The following DENND1A variants were observed in gnomAD, a reference collection of about 807,000 sequenced individuals.
DENND1A encodes DENN domain containing 1A.
DENND1A carries 51 observed loss-of-function variants against 113.7 expected under a neutral mutation model. That is an observed-to-expected ratio of 0.45 (90% CI 0.36 to 0.57). DENND1A has a LOEUF of 0.57. DENND1A is among the 20% of genes least tolerant of loss of function. The pLI is 0.00. For missense variants in DENND1A, 1,258 were observed against 1,395.9 expected (o/e 0.90, Z 1.57); for synonymous variants, 565 against 570.8 (o/e 0.99, Z 0.14).
intron 2 of DENND1A, among the ~76,000 whole-genome samples, chr9:123,804,728 C>T (rs1344547265): frequency 6.6e-6 from 1 of 152,212 alleles, no homozygotes; most frequent in Non-Finnish European, 1.5e-5. Flanking sequence ...CTCCTGCCAA[C>T]TAAATCTTCA....
At chr9:123,413,070 C>T (rs1236909950) in intron 19 of DENND1A, among the ~76,000 whole-genome samples, 1 of 152,140 alleles carries the variant, frequency 6.6e-6, no homozygotes. Context: ...TGTAATCCCA[C>T]GTACTCGGGA....
chr9:123,699,222 G>A (rs773679408), intron 5 of DENND1A, among the ~76,000 whole-genome samples: 1 of 152,078 alleles, frequency 6.6e-6, no homozygotes, highest in African/African-American at 2.4e-5. Flanking sequence ...TCCAACAGTT[G>A]AGAATCATTA....
At position 123,440,498 on chromosome 9, in the gene DENND1A, G is replaced by A; in HGVS notation, c.1357-7C>T. ...AGCCATTCTCGGCAATGTCCTGTAG[G>A]GAGAAGGATAGTCAGCGGTTGGCAC... is the stretch of plus-strand genomic sequence containing the variant. On this transcript the variant is annotated splice_polypyrimidine_tract_variant and splice_region_variant and intron_variant, in intron 18 of 23. Coordinates refer to ENST00000394215, the MANE Select transcript of DENND1A (RefSeq NM_001352964.2). 1.3e-6 allele frequency: 2 copies of A among 1,549,634 alleles called. No individual in the cohort carries two copies. The highest frequency in any genetic ancestry group is 1.7e-6 in the Non-Finnish European group (2 of 1,158,666).
intron 3 of DENND1A, among the ~76,000 whole-genome samples, chr9:123,785,290 T>C (rs903305485): frequency 6.6e-6 from 1 of 152,120 alleles, no homozygotes; most frequent in Non-Finnish European, 1.5e-5. Flanking sequence ...TGTTTGAGGA[T>C]ACAGTGAGCT....
intron 19 of DENND1A, among the ~76,000 whole-genome samples, chr9:123,435,845 C>T (rs1330743474): frequency 1.1e-4 from 16 of 152,212 alleles, no homozygotes; most frequent in Admixed American, 6.5e-5. Flanking sequence ...ATTCCAGCAA[C>T]GCCGTTCCAG....
intron 3 of DENND1A, among the ~76,000 whole-genome samples, chr9:123,771,521 T>C (rs1392401673): frequency 1.3e-5 from 2 of 152,222 alleles, no homozygotes; most frequent in Non-Finnish European, 2.9e-5. Context: ...AGCTATCTTT[T>C]ACCCCTCAAA....
At position 123,620,774 on chromosome 9, in the gene DENND1A, TCCCCTCCCA is replaced by T. The variant is rs141091808; in HGVS notation, c.719+9593_719+9601del. Among the ~76,000 whole-genome samples, 1,231 of 152,106 alleles carry T rather than the reference TCCCCTCCCA, an allele frequency of 8.1e-3. 13 individuals carry two copies. The highest frequency in any genetic ancestry group is 0.014 in the Non-Finnish European group (974 of 67,992). ...TCTGAAACTAAATTCCTGGTCCTTA[TCCCCTCCCA>T]CCCCTCCCAGATGAGCTCTGTCACA... On this transcript the variant is annotated intron_variant, in intron 10 of 23. Transcript: ENST00000394215.
chr9:123,384,399 T>C (rs913883526), intron 22 of DENND1A, among the ~76,000 whole-genome samples: 7 of 152,238 alleles, frequency 4.6e-5, no homozygotes, highest in African/African-American at 1.7e-4. Context: ...GGGAGCTGTC[T>C]GGGCCTAAGC....
chr9:123,388,514 G>A (rs1026895288), intron 21 of DENND1A, among the ~76,000 whole-genome samples: 2 of 152,222 alleles, frequency 1.3e-5, no homozygotes, highest in African/African-American at 2.4e-5. Context: ...TGAGCCGTGC[G>A]GAAGAGCTCT....
chr9:123,654,525 T>C (rs1227431860), intron 8 of DENND1A, among the ~76,000 whole-genome samples: 1 of 152,176 alleles, frequency 6.6e-6, no homozygotes, highest in Non-Finnish European at 1.5e-5. Context: ...AGGATACTTT[T>C]GTGGATGGGA....
chr9:123,830,873 GAAAAAAA>G (rs71390447), intron 2 of DENND1A, among the ~76,000 whole-genome samples: 1 of 39,310 alleles, frequency 2.5e-5, no homozygotes, highest in Non-Finnish European at 4.5e-5. Context: ...TCTCAAAAAT[GAAAAAAA>G]AAAAAAAAAA....
At position 123,538,805 on chromosome 9, in the gene DENND1A, C is replaced by CAT. The variant is rs1169598985; in HGVS notation, c.993+18763_993+18764dup. ...GTGTATGAATCCAAAGGTGACAACT[C>CAT]ATACATATATATATATATATATATA... is the stretch of plus-strand genomic sequence containing the variant. On this transcript the variant is annotated intron_variant, in intron 13 of 23. Transcript: ENST00000394215. Among the ~76,000 whole-genome samples, 42 of 50,062 alleles carry CAT rather than the reference C, an allele frequency of 8.4e-4. 4 individuals carry two copies. The highest frequency in any genetic ancestry group is 2.0e-3 in the African/African-American group (22 of 11,184). The allele number at this position is 50,062 out of a possible 152,430, so 32.8% of individuals were successfully genotyped here.
chr9:123,538,242 T>G (rs181468958), intron 13 of DENND1A, among the ~76,000 whole-genome samples: 1 of 152,198 alleles, frequency 6.6e-6, no homozygotes, highest in Non-Finnish European at 1.5e-5. Flanking sequence ...AATACAAATG[T>G]AATAGAGAAG....
intron 1 of DENND1A, among the ~76,000 whole-genome samples, chr9:123,894,283 T>C (rs1238544612): frequency 6.6e-6 from 1 of 152,216 alleles, no homozygotes; most frequent in African/African-American, 2.4e-5. Flanking sequence ...AGAACTGTGA[T>C]ATACTCAAAT....
intron 5 of DENND1A, among the ~76,000 whole-genome samples, chr9:123,711,487 A>ATATATATATATATGTATATATG (rs2066591509): frequency 1.1e-4 from 7 of 64,786 alleles, no homozygotes; most frequent in Non-Finnish European, 1.9e-4. Context: ...AAATTAAAAA[A>ATATATATATATATGTATATATG]TATATATATA....
chr9:123,828,357 C>T (rs965912141), intron 2 of DENND1A, among the ~76,000 whole-genome samples: 1 of 151,814 alleles, frequency 6.6e-6, no homozygotes, highest in African/African-American at 2.4e-5. Context: ...AAATGGATAA[C>T]ACTGAAAAAG....
chr9:123,784,059 T>C (rs1171406094), intron 3 of DENND1A, among the ~76,000 whole-genome samples: 1 of 152,062 alleles, frequency 6.6e-6, no homozygotes, highest in Non-Finnish European at 1.5e-5. Context: ...GAAAAATATT[T>C]CAACCAAAAG....
At chr9:123,620,451 G>A (rs150649025) in intron 10 of DENND1A, among the ~76,000 whole-genome samples, 1 of 152,044 alleles carries the variant, frequency 6.6e-6, no homozygotes, top group Non-Finnish European at 1.5e-5. Flanking sequence ...CCCTGGCAAT[G>A]ACTTAGCAAA....
intron 5 of DENND1A, among the ~76,000 whole-genome samples, chr9:123,700,807 A>T (rs2065841157): frequency 6.6e-6 from 1 of 152,214 alleles, no homozygotes; most frequent in African/African-American, 2.4e-5. Flanking sequence ...CCATCATAAC[A>T]TCTTGACAAC....
Sources: allele counts gnomAD v4.1 joint callset (sites outside exome capture counted in the v4.1 genomes callset), GRCh38; gene constraint gnomAD v4.1.1; transcripts MANE v1.5; gene names NCBI Gene and HGNC (gene_info 2026-07-23, HGNC 2026-07-21).